Variants in TRIM44 observed in about 807,000 individuals in gnomAD.
TRIM44 encodes the protein tripartite motif containing 44.
TRIM44 carries 13 observed loss-of-function variants against 37.4 expected under a neutral mutation model. That is an observed-to-expected ratio of 0.35 (90% CI 0.23 to 0.55). The LOEUF (loss-of-function observed/expected upper bound fraction) is 0.55, where lower values mean the gene tolerates loss of function less well. Ranked by LOEUF, TRIM44 falls within the 20% of genes least tolerant of loss-of-function variation. TRIM44 has a pLI of 0.89. For missense variants in TRIM44, 426 were observed against 437.2 expected, an observed-to-expected ratio of 0.97 and a Z score of 0.23; for synonymous variants, 175 against 157.2, an observed-to-expected ratio of 1.11 and a Z score of -0.85.
At chr11:35,704,440 A>G (rs1296520231) in intron 2 of TRIM44, among the ~76,000 whole-genome samples, 2 of 152,144 alleles carry the variant, frequency 1.3e-5, no homozygotes, top group Non-Finnish European at 1.5e-5. Flanking sequence ...GAGAAGAGCA[A>G]CTCCAAGACA....
At chr11:35,765,254 G>T (rs1336821179) in intron 4 of TRIM44, among the ~76,000 whole-genome samples, 1 of 152,144 alleles carries the variant, frequency 6.6e-6, no homozygotes, top group Non-Finnish European at 1.5e-5. Flanking sequence ...GCACAACAGA[G>T]AAAAAGAATA....
intron 4 of TRIM44, among the ~76,000 whole-genome samples, chr11:35,776,500 G>A (rs571407788): frequency 4.3e-4 from 65 of 152,276 alleles, no homozygotes; most frequent in African/African-American, 1.5e-3. Flanking sequence ...CCTTCTGCTA[G>A]CTTTTGAATG....
intron 4 of TRIM44, among the ~76,000 whole-genome samples, chr11:35,767,044 C>T (rs1417747171): frequency 1.3e-5 from 2 of 152,152 alleles, no homozygotes; most frequent in East Asian, 1.9e-4. Context: ...GATTCGTAAA[C>T]AACACGTTTC....
In TRIM44 at chr11:35,810,217, T is replaced by G. The variant is rs1158560946; in HGVS notation, c.*3832T>G. On this transcript the variant is annotated 3_prime_UTR_variant, in exon 5 of 5. Coordinates refer to ENST00000299413, the MANE Select transcript of TRIM44 (RefSeq NM_017583.6). ...GGGCACAAATGCAGAATTCATGACC[T>G]TGTAGTTGTGGCAGGGTCTAGGAAG... 1 of 152,092 alleles carries G rather than the reference T, an allele frequency of 6.6e-6. No individual in the cohort carries two copies. Among genetic ancestry groups the G allele is most frequent in the Non-Finnish European group, 1.5e-5 (1 of 68,014 alleles). 9.4% of individuals were successfully genotyped at this position (152,092 alleles called of 1,614,324 possible). A position where few individuals can be genotyped will look rare whatever the true frequency, so the allele number is the denominator to read the frequency against.
intron 4 of TRIM44, among the ~76,000 whole-genome samples, chr11:35,771,545 G>GA (rs1852870279): frequency 6.6e-6 from 1 of 152,096 alleles, no homozygotes; most frequent in South Asian, 2.1e-4. Flanking sequence ...CCAACATAGT[G>GA]AAACCCCCGT....
chr11:35,787,128 G>A (rs114548758), intron 4 of TRIM44, among the ~76,000 whole-genome samples: 1,904 of 152,216 alleles, frequency 0.013, 45 homozygotes, highest in African/African-American at 0.043. Flanking sequence ...CGGTGTGGGC[G>A]GGCATGGGGA....
intron 1 of TRIM44, among the ~76,000 whole-genome samples, chr11:35,677,947 G>T (rs1193957308): frequency 6.6e-6 from 1 of 152,196 alleles, no homozygotes; most frequent in Non-Finnish European, 1.5e-5. Context: ...AGTGACCTGG[G>T]TGTAGTTAGA....
At chr11:35,768,808 A>G (rs758696444) in intron 4 of TRIM44, among the ~76,000 whole-genome samples, 26 of 152,162 alleles carry the variant, frequency 1.7e-4, no homozygotes, top group Non-Finnish European at 2.9e-4. Context: ...GGGAGGGTAA[A>G]TGGGTGTTCT....
chr11:35,758,049 A>G (rs919403799), intron 4 of TRIM44, among the ~76,000 whole-genome samples: 1 of 152,088 alleles, frequency 6.6e-6, no homozygotes, highest in African/African-American at 2.4e-5. Context: ...ATTCCTGGGT[A>G]TGCTTGCTAA....
At chr11:35,803,127 G>A (rs767552168) in intron 4 of TRIM44, among the ~76,000 whole-genome samples, 5 of 152,112 alleles carry the variant, frequency 3.3e-5, no homozygotes, top group African/African-American at 1.2e-4. Flanking sequence ...AGTGACTTAC[G>A]TAAGATCCCA....
intron 4 of TRIM44, among the ~76,000 whole-genome samples, chr11:35,805,343 A>G (rs1853433124): frequency 6.6e-6 from 1 of 152,200 alleles, no homozygotes; most frequent in Admixed American, 6.5e-5. Context: ...CAAGTTTGCT[A>G]CGTTTGCTTT....
At chr11:35,770,626 G>A (rs11033273) in intron 4 of TRIM44, among the ~76,000 whole-genome samples, 3,898 of 152,184 alleles carry the variant, frequency 0.026, 126 homozygotes, top group African/African-American at 0.073. Context: ...GTTTTGACTT[G>A]CATTTCTCTG....
chr11:35,697,674 A>T lies in TRIM44; in HGVS notation c.747+12338A>T, dbSNP rs1428256904. 5.3e-5 allele frequency among the ~76,000 whole-genome samples: 8 copies of T among 149,772 alleles called. 1 individual carries two copies. Among genetic ancestry groups the T allele is most frequent in the Middle Eastern group, 7.3e-3 (2 of 274 alleles). On this transcript the variant is annotated intron_variant, in intron 2 of 4. Transcript: ENST00000299413. ...TGTGTCCATGTGTTCTCATTGTTCAATTCCCACCTATGAGTGAGAATATGC... is the reference window on the plus strand; with the variant it reads ...TGTGTCCATGTGTTCTCATTGTTCATTTCCCACCTATGAGTGAGAATATGC...
Position 35,693,894 on chromosome 11 carries a change from G to A in TRIM44, c.747+8558G>A, listed in dbSNP as rs11822190. 2.4e-3 allele frequency among the ~76,000 whole-genome samples: 363 copies of A among 152,248 alleles called. 3 individuals are homozygous for A. The highest frequency in any genetic ancestry group is 6.6e-3 in the African/African-American group (274 of 41,574). On this transcript the variant is annotated intron_variant, in intron 2 of 4. Transcript: ENST00000299413. Reference sequence around the variant, plus strand: ...TAAAACGTTGGAAAGAATAGAGTGCGCTAGGGAGACTATTATGACTATTGG... The same window carrying A: ...TAAAACGTTGGAAAGAATAGAGTGCACTAGGGAGACTATTATGACTATTGG...
intron 4 of TRIM44, among the ~76,000 whole-genome samples, chr11:35,796,606 C>T (rs896628563): frequency 6.6e-6 from 1 of 152,120 alleles, no homozygotes; most frequent in African/African-American, 2.4e-5. Context: ...CTCTCCACCC[C>T]CTGAAATTGC....
chr11:35,759,154 G>C (rs1430073648), intron 4 of TRIM44, among the ~76,000 whole-genome samples: 1 of 152,066 alleles, frequency 6.6e-6, no homozygotes, highest in African/African-American at 2.4e-5. Context: ...ACACAGATTT[G>C]GTCTTTTCAC....
chr11:35,712,010 T>C (rs1271513322), intron 2 of TRIM44, among the ~76,000 whole-genome samples: 2 of 152,164 alleles, frequency 1.3e-5, no homozygotes, highest in Admixed American at 6.5e-5. Context: ...TGATACCTGT[T>C]TGAGTGATAA....
intron 4 of TRIM44, among the ~76,000 whole-genome samples, chr11:35,738,279 T>G (rs1236102083): frequency 6.6e-6 from 1 of 152,202 alleles, no homozygotes; most frequent in Admixed American, 6.5e-5. Context: ...TTAAAGATAC[T>G]GTTCAGTGTG....
chr11:35,741,803 C>T (rs190789002), intron 4 of TRIM44, among the ~76,000 whole-genome samples: 10 of 152,276 alleles, frequency 6.6e-5, no homozygotes, highest in Admixed American at 5.2e-4. Flanking sequence ...CATCTTAGAG[C>T]GCCTAATGCC....
Sources: allele counts gnomAD v4.1 joint callset (sites outside exome capture counted in the v4.1 genomes callset), GRCh38; gene constraint gnomAD v4.1.1; transcripts MANE v1.5; gene names NCBI Gene and HGNC (gene_info 2026-07-23, HGNC 2026-07-21).